ZNF385D: variants seen among roughly 807,000 people sequenced by gnomAD.
The protein encoded by ZNF385D is zinc finger protein 385D, also known as zinc finger protein 659.
A neutral mutation model predicts 35.8 loss-of-function variants in ZNF385D; 15 were observed. The ratio of observed to expected loss-of-function variants is 0.42; its 90% CI spans 0.28 to 0.64. ZNF385D has a LOEUF of 0.64. Among genes scored for constraint, ZNF385D ranks in the 30% least tolerant of loss-of-function variants. The pLI is 0.23. For missense variants in ZNF385D, 474 were observed against 494.6 expected, an observed-to-expected ratio of 0.96 and a Z score of 0.39; for synonymous variants, 212 against 186.8, an observed-to-expected ratio of 1.13 and a Z score of -1.10.
At chr3:22,201,207 A>C (rs576103476) in intron 2 of ZNF385D, among the ~76,000 whole-genome samples, 2 of 152,144 alleles carry the variant, frequency 1.3e-5, no homozygotes, top group African/African-American at 4.8e-5. Flanking sequence ...GGAACTAATA[A>C]ATGTCCATGA....
At chr3:21,834,243 G>A (rs1403268379) in intron 3 of ZNF385D, among the ~76,000 whole-genome samples, 1 of 152,016 alleles carries the variant, frequency 6.6e-6, no homozygotes, top group Non-Finnish European at 1.5e-5. Context: ...TACCCACCCA[G>A]TCCACGAGAC....
rs1402875479 is a variant in ZNF385D at position 21,418,560 on chromosome 3, T to C, written c.*2654A>G. 2 of 152,172 alleles carry C rather than the reference T, an allele frequency of 1.3e-5. No individual in the cohort carries two copies. The highest frequency in any genetic ancestry group is 4.8e-5 in the African/African-American group (2 of 41,440). The allele number at this position is 152,172 out of a possible 1,614,324, so 9.4% of individuals were successfully genotyped here. ...AGAAGGGATCCAGGTATTTCTGAGA[T>C]TTCTTATATGGCTGATGGAGAAAAT... On this transcript the variant is annotated 3_prime_UTR_variant, in exon 8 of 8. Transcript: ENST00000281523.
At chr3:21,802,960 G>C (rs145416821) in intron 3 of ZNF385D, among the ~76,000 whole-genome samples, 77 of 152,302 alleles carry the variant, frequency 5.1e-4, no homozygotes, top group African/African-American at 1.8e-3. Flanking sequence ...ATGGGGAGAA[G>C]AGAAGAACGA....
intron 2 of ZNF385D, among the ~76,000 whole-genome samples, chr3:21,604,046 G>A (rs979865718): frequency 2.6e-5 from 4 of 152,170 alleles, no homozygotes; most frequent in African/African-American, 7.2e-5. Flanking sequence ...CGAGATTGCC[G>A]AGTAACTGCA....
chr3:22,152,259 C>T (rs1705286819), intron 3 of ZNF385D, among the ~76,000 whole-genome samples: 1 of 152,026 alleles, frequency 6.6e-6, no homozygotes, highest in East Asian at 1.9e-4. Context: ...CTTAGTATTC[C>T]CTATCCTCTG....
chr3:22,137,397 A>G (rs1475045952), intron 3 of ZNF385D, among the ~76,000 whole-genome samples: 1 of 152,190 alleles, frequency 6.6e-6, no homozygotes, highest in African/African-American at 2.4e-5. Context: ...AATATCCTTG[A>G]TGAACATTGA....
rs2125250685 is a variant in ZNF385D at position 21,424,084 on chromosome 3, A to G, written c.853-20T>C. ...AATGTGCTATTAAAAGTAATTTAAA[A>G]TGACAGCTTTAAAAAAATCATCTGC... is the stretch of plus-strand genomic sequence containing the variant. On this transcript the variant is annotated intron_variant, in intron 6 of 7. Transcript: ENST00000281523. The G allele has an allele frequency of 1.3e-6, 2 of 1,544,426 alleles. No homozygotes were observed. The highest frequency in any genetic ancestry group is 1.7e-6 in the Non-Finnish European group (2 of 1,152,434).
rs1386520288 is a variant in ZNF385D at position 21,733,723 on chromosome 3, T to C, written c.22+17172A>G. On this transcript the variant is annotated intron_variant, in intron 1 of 7. Transcript: ENST00000281523. Reference sequence around the variant, plus strand: ...CTTCTATGTATTTATAGCTTAAATTTTTATGTTTGAATCTTTGTTCAATCT... The same window carrying C: ...CTTCTATGTATTTATAGCTTAAATTCTTATGTTTGAATCTTTGTTCAATCT... Among the ~76,000 whole-genome samples the C allele has an allele frequency of 3.3e-5, 5 of 152,284 alleles. No homozygotes were observed. The South Asian group carries it at 6.2e-4, about 19-fold the overall frequency.
intron 2 of ZNF385D, among the ~76,000 whole-genome samples, chr3:22,178,431 TG>T (rs1576451862): frequency 6.6e-6 from 1 of 152,232 alleles, no homozygotes; most frequent in Non-Finnish European, 1.5e-5. Flanking sequence ...TTGATGGGGT[TG>T]TTTTTTTCTT....
chr3:21,604,996 T>C (rs2125774051), intron 2 of ZNF385D, among the ~76,000 whole-genome samples: 1 of 152,284 alleles, frequency 6.6e-6, no homozygotes, highest in African/African-American at 2.4e-5. Flanking sequence ...TGGGCATACC[T>C]CTGACACTAG....
At chr3:22,067,191 T>C (rs1293929740) in intron 3 of ZNF385D, among the ~76,000 whole-genome samples, 1 of 152,202 alleles carries the variant, frequency 6.6e-6, no homozygotes. Flanking sequence ...ACACTGCCTG[T>C]TGAGTTTATA....
At position 21,951,615 on chromosome 3, in the gene ZNF385D, G is replaced by C. The variant is rs535943966; in HGVS notation, c.325+217202C>G. On this transcript the variant is annotated intron_variant, in intron 3 of 5. Transcript: ENST00000494108. ...GAATAAGACCCTATTTTCTGAATTA[G>C]GGTTCTTCCACTGTCTCCACTACTT... 2.0e-4 allele frequency among the ~76,000 whole-genome samples: 30 copies of C among 151,570 alleles called. 1 individual carries two copies. The highest frequency in any genetic ancestry group is 5.6e-4 in the African/African-American group (23 of 41,074).
At chr3:21,568,029 A>G (rs2125663799) in intron 2 of ZNF385D, among the ~76,000 whole-genome samples, 1 of 152,250 alleles carries the variant, frequency 6.6e-6, no homozygotes, top group Non-Finnish European at 1.5e-5. Flanking sequence ...TATATTCTGC[A>G]GAGACAATTT....
At chr3:21,847,603 G>A (rs1169283872) in intron 3 of ZNF385D, among the ~76,000 whole-genome samples, 1 of 151,960 alleles carries the variant, frequency 6.6e-6, no homozygotes, top group Non-Finnish European at 1.5e-5. Flanking sequence ...TATTTTTGCA[G>A]TTTCCTCTCC....
intron 1 of ZNF385D, among the ~76,000 whole-genome samples, chr3:21,707,440 C>G (rs148584196): frequency 0.016 from 2,450 of 152,270 alleles, 62 homozygotes; most frequent in African/African-American, 0.054. Context: ...AAATTCGAAG[C>G]AATTGTCAAT....
chr3:22,007,270 T>A (rs1339699392), intron 3 of ZNF385D, among the ~76,000 whole-genome samples: 4 of 152,234 alleles, frequency 2.6e-5, no homozygotes, highest in Non-Finnish European at 4.4e-5. Flanking sequence ...TTAATTTTTT[T>A]AAATCAACAT....
intron 2 of ZNF385D, among the ~76,000 whole-genome samples, chr3:22,320,814 T>G (rs1694373852): frequency 6.6e-6 from 1 of 151,818 alleles, no homozygotes; most frequent in African/African-American, 2.4e-5. Context: ...TCAAAGTAAT[T>G]TTTTGATTTT....
chr3:21,829,048 T>A (rs1209399585), intron 3 of ZNF385D, among the ~76,000 whole-genome samples: 1 of 152,192 alleles, frequency 6.6e-6, no homozygotes, highest in Non-Finnish European at 1.5e-5. Context: ...TAATCACATC[T>A]TCAAAGCCCC....
intron 3 of ZNF385D, among the ~76,000 whole-genome samples, chr3:21,852,147 T>C (rs532999995): frequency 6.6e-6 from 1 of 151,928 alleles, no homozygotes; most frequent in Non-Finnish European, 1.5e-5. Context: ...GAGCATCGGG[T>C]TTTTAGTTTT....
Sources: gnomAD v4.1 joint callset for allele counts (sites outside exome capture counted in the v4.1 genomes callset) on GRCh38, gnomAD v4.1.1 for gene constraint, MANE v1.5 for transcripts, NCBI Gene and HGNC (gene_info 2026-07-23, HGNC 2026-07-21) for gene names.